PDLIM5: variants seen among roughly 807,000 people sequenced by gnomAD.
PDLIM5 encodes PDZ and LIM domain protein 5.
PDLIM5 carries 34 observed loss-of-function variants against 64.2 expected under a neutral mutation model. The observed-to-expected ratio is 0.53, with a 90% CI of 0.40 to 0.71. The LOEUF (loss-of-function observed/expected upper bound fraction) is 0.71. Among genes scored for constraint, PDLIM5 ranks in the 30% least tolerant of loss-of-function variants. The pLI, the probability that PDLIM5 is intolerant of heterozygous loss-of-function variation, is 0.00. For synonymous variants in PDLIM5, 253 were observed against 269.1 expected (o/e 0.94, Z 0.59); for missense variants, 683 against 733.6 (o/e 0.93, Z 0.80).
chr4:94,472,164 G>GCACA, intron 2 of PDLIM5, among the ~76,000 whole-genome samples: 1 of 150,780 alleles, frequency 6.6e-6, no homozygotes, highest in African/African-American at 2.4e-5. Context: ...ACACACACGC[G>GCACA]CACACACACA....
intron 8 of PDLIM5, among the ~76,000 whole-genome samples, chr4:94,636,152 G>A (rs1050391081): frequency 6.6e-6 from 1 of 152,136 alleles, no homozygotes. Flanking sequence ...TGAGGCATGG[G>A]CCAGATGGAT....
chr4:94,529,711 G>A (rs958748318), intron 3 of PDLIM5, among the ~76,000 whole-genome samples: 12 of 152,118 alleles, frequency 7.9e-5, no homozygotes, highest in East Asian at 1.9e-4. Flanking sequence ...ACATAAAAGT[G>A]TGAATGGTTT....
chr4:94,553,402 C>A (rs562523373), intron 3 of PDLIM5, among the ~76,000 whole-genome samples: 1 of 152,322 alleles, frequency 6.6e-6, no homozygotes, highest in African/African-American at 2.4e-5. Context: ...AGCCACCGCA[C>A]CCAGCCAAAT....
At chr4:94,616,598 T>C (rs1283363295) in intron 7 of PDLIM5, among the ~76,000 whole-genome samples, 2 of 152,230 alleles carry the variant, frequency 1.3e-5, no homozygotes, top group African/African-American at 2.4e-5. Context: ...ATAATTGTGT[T>C]CAATATTCCC....
intron 3 of PDLIM5, among the ~76,000 whole-genome samples, chr4:94,569,026 T>G (rs2110265190): frequency 6.6e-6 from 1 of 152,300 alleles, no homozygotes; most frequent in Non-Finnish European, 1.5e-5. Context: ...ACATCTTTGT[T>G]GATTCTTATT....
At chr4:94,514,128 ATTTTC>A (rs1424933232) in intron 2 of PDLIM5, among the ~76,000 whole-genome samples, 5 of 117,886 alleles carry the variant, frequency 4.2e-5, no homozygotes, top group African/African-American at 1.3e-4. Context: ...GTTTGCTAGT[ATTTTC>A]TTTTTTTTTT....
At chr4:94,512,070 G>T (rs774985) in intron 2 of PDLIM5, among the ~76,000 whole-genome samples, 1 of 151,404 alleles carries the variant, frequency 6.6e-6, no homozygotes, top group African/African-American at 2.4e-5. Flanking sequence ...ACCTAGGCTG[G>T]AGTGCAGTGG....
chr4:94,491,726 T>A (rs1726890915), intron 2 of PDLIM5, among the ~76,000 whole-genome samples: 1 of 152,108 alleles, frequency 6.6e-6, no homozygotes, highest in Non-Finnish European at 1.5e-5. Context: ...ATGATAGAAA[T>A]CTTTAACCTA....
intron 2 of PDLIM5, among the ~76,000 whole-genome samples, chr4:94,459,883 G>C (rs574309201): frequency 6.6e-6 from 1 of 152,286 alleles, no homozygotes; most frequent in Non-Finnish European, 1.5e-5. Context: ...GCCATTGCTT[G>C]ACTCCAAGTA....
intron 3 of PDLIM5, among the ~76,000 whole-genome samples, chr4:94,541,380 TA>T (rs1434709137): frequency 6.6e-6 from 1 of 152,246 alleles, no homozygotes; most frequent in Non-Finnish European, 1.5e-5. Flanking sequence ...AAATATGTTT[TA>T]AACTGAGTAT....
At chr4:94,620,360 C>A (rs1325708743) in intron 8 of PDLIM5, among the ~76,000 whole-genome samples, 1 of 151,962 alleles carries the variant, frequency 6.6e-6, no homozygotes, top group East Asian at 1.9e-4. Context: ...ATGGCAAAAC[C>A]CCATCTCTAC....
chr4:94,569,476 C>T (rs990045226), intron 3 of PDLIM5, among the ~76,000 whole-genome samples: 3 of 152,192 alleles, frequency 2.0e-5, no homozygotes, highest in South Asian at 2.1e-4. Flanking sequence ...CATGCTACCA[C>T]GTCCAGCTAA....
intron 3 of PDLIM5, among the ~76,000 whole-genome samples, chr4:94,560,671 A>G (rs2110238037): frequency 6.6e-6 from 1 of 152,282 alleles, no homozygotes; most frequent in Middle Eastern, 3.4e-3. Flanking sequence ...GGAATACTGG[A>G]CATTTTTGAG....
intron 2 of PDLIM5, among the ~76,000 whole-genome samples, chr4:94,474,201 G>A (rs1220072143): frequency 2.0e-5 from 3 of 152,150 alleles, no homozygotes; most frequent in South Asian, 4.1e-4. Flanking sequence ...AAACTTTGGT[G>A]TCATTCAGTG....
chr4:94,618,063 C>T lies in PDLIM5; in HGVS notation c.980C>T (p.Pro327Leu). Residue 327 changes from proline (P) to leucine (L), a missense_variant, in exon 8 of 13, where the codon CCC becomes CTC. Transcript: ENST00000317968. ...ASSVASTRSM[P>L]ESLDSPTSGR... ...TCGGTAGCTTCCACACGGAGCATGC[C>T]CGAGAGCCTGGACAGCCCAACCTCT... The T allele has an allele frequency of 6.2e-7, 1 of 1,610,788 alleles. No individual in the cohort carries two copies. Among genetic ancestry groups the T allele is most frequent in the Non-Finnish European group, 8.5e-7 (1 of 1,178,498 alleles).
At chr4:94,590,996 C>T (rs1736632552) in intron 7 of PDLIM5, among the ~76,000 whole-genome samples, 1 of 151,988 alleles carries the variant, frequency 6.6e-6, no homozygotes, top group Non-Finnish European at 1.5e-5. Context: ...CCAATGAAGA[C>T]CTAGAAAAGA....
chr4:94,533,179 C>T (rs1259307716), intron 3 of PDLIM5, among the ~76,000 whole-genome samples: 1 of 152,086 alleles, frequency 6.6e-6, no homozygotes, highest in African/African-American at 2.4e-5. Flanking sequence ...CTTGAAGGCA[C>T]AATTTAATTC....
At chr4:94,538,566 C>G (rs2110175610) in intron 3 of PDLIM5, among the ~76,000 whole-genome samples, 1 of 152,274 alleles carries the variant, frequency 6.6e-6, no homozygotes, top group South Asian at 2.1e-4. Flanking sequence ...CTTTCTCCAT[C>G]TATTTTGTGG....
chr4:94,601,939 A>T (rs1304665943), intron 7 of PDLIM5, among the ~76,000 whole-genome samples: 1 of 152,132 alleles, frequency 6.6e-6, no homozygotes, highest in East Asian at 1.9e-4. Flanking sequence ...GAAAATACTT[A>T]TTTTTTTCAC....
Sources: gnomAD v4.1 joint callset for allele counts (sites outside exome capture counted in the v4.1 genomes callset) on GRCh38, gnomAD v4.1.1 for gene constraint, MANE v1.5 for transcripts, NCBI Gene and HGNC (gene_info 2026-07-23, HGNC 2026-07-21) for gene names.